The following MTUS2 variants were observed in gnomAD, a reference collection of about 807,000 sequenced individuals.
The protein encoded by MTUS2 is microtubule associated scaffold protein 2.
In MTUS2, 40 loss-of-function variants were observed where a neutral mutation model predicts 114.1. The ratio of observed to expected loss-of-function variants is 0.35; its 90% CI spans 0.27 to 0.46. The LOEUF (loss-of-function observed/expected upper bound fraction) is 0.46. MTUS2 is among the 20% of genes least tolerant of loss of function. The probability of loss-of-function intolerance (pLI) is 1.00; values close to 1 mark genes in which losing one functional copy is unlikely to be tolerated. For missense variants in MTUS2, 1,679 were observed against 1,705.4 expected (o/e 0.98, Z 0.27); for synonymous variants, 688 against 672.0 (o/e 1.02, Z -0.37).
At chr13:28,929,076 A>G (rs933580647) in intron 2 of MTUS2, among the ~76,000 whole-genome samples, 1 of 152,172 alleles carries the variant, frequency 6.6e-6, no homozygotes, top group Admixed American at 6.5e-5. Flanking sequence ...AAAGGCGAAT[A>G]TCACATGTTC....
intron 2 of MTUS2, among the ~76,000 whole-genome samples, chr13:28,902,461 G>T (rs1398124303): frequency 6.6e-6 from 1 of 151,992 alleles, no homozygotes; most frequent in Non-Finnish European, 1.5e-5. Context: ...TCCCCTGTAG[G>T]TTTTTTGTAG....
chr13:28,842,177 C>T (rs1875554760), intron 2 of MTUS2, among the ~76,000 whole-genome samples: 1 of 151,854 alleles, frequency 6.6e-6, no homozygotes, highest in Non-Finnish European at 1.5e-5. Context: ...TCCCCCAACA[C>T]ACAAATGATC....
chr13:28,829,219 T>G (rs959079143), intron 1 of MTUS2, among the ~76,000 whole-genome samples: 3 of 152,174 alleles, frequency 2.0e-5, no homozygotes, highest in Non-Finnish European at 2.9e-5. Context: ...GCAGCTCCAT[T>G]GTAGCCTTCA....
chr13:29,264,662 G>T (rs1897601760), intron 5 of MTUS2, among the ~76,000 whole-genome samples: 1 of 152,256 alleles, frequency 6.6e-6, no homozygotes, highest in South Asian at 2.1e-4. Context: ...CATGGAACCT[G>T]CCAAGGCTTA....
At chr13:29,141,171 G>T (rs941289546) in intron 5 of MTUS2, among the ~76,000 whole-genome samples, 1 of 152,174 alleles carries the variant, frequency 6.6e-6, no homozygotes, top group Admixed American at 6.5e-5. Flanking sequence ...AGCACCAATT[G>T]TATGATAAGC....
intron 5 of MTUS2, among the ~76,000 whole-genome samples, chr13:29,180,249 T>C (rs1276803346): frequency 6.6e-6 from 1 of 152,186 alleles, no homozygotes; most frequent in Non-Finnish European, 1.5e-5. Flanking sequence ...AGAACTACAA[T>C]CTTCCATGAA....
chr13:29,412,508 A>G (rs1479008793), intron 8 of MTUS2, among the ~76,000 whole-genome samples: 5 of 152,150 alleles, frequency 3.3e-5, no homozygotes, highest in Non-Finnish European at 7.4e-5. Flanking sequence ...CATGAGTGAC[A>G]TTGGTCTCCA....
At chr13:29,101,314 A>G (rs1432508034) in intron 5 of MTUS2, among the ~76,000 whole-genome samples, 1 of 152,012 alleles carries the variant, frequency 6.6e-6, no homozygotes, top group Non-Finnish European at 1.5e-5. Flanking sequence ...CATGAAACAT[A>G]CTAGATATTT....
chr13:28,861,475 T>G (rs931825962), intron 2 of MTUS2, among the ~76,000 whole-genome samples: 13 of 148,898 alleles, frequency 8.7e-5, no homozygotes, highest in Non-Finnish European at 1.8e-4. Context: ...GGTGTTAACA[T>G]AGCCCAGGGA....
At chr13:28,919,536 G>A (rs1880930851) in intron 2 of MTUS2, among the ~76,000 whole-genome samples, 2 of 152,088 alleles carry the variant, frequency 1.3e-5, no homozygotes, top group South Asian at 4.2e-4. Context: ...ATTATTAAAT[G>A]CCTTGAGGTA....
intron 8 of MTUS2, among the ~76,000 whole-genome samples, chr13:29,428,048 C>T (rs1325897110): frequency 6.6e-6 from 1 of 152,164 alleles, no homozygotes; most frequent in Non-Finnish European, 1.5e-5. Context: ...CTGCCCCAAG[C>T]CCCAATTTTA....
At chr13:29,337,664 C>T (rs1901142614) in intron 7 of MTUS2, among the ~76,000 whole-genome samples, 1 of 151,038 alleles carries the variant, frequency 6.6e-6, no homozygotes, top group African/African-American at 2.4e-5. Flanking sequence ...TGCAGTGGCA[C>T]AATTTTGGCT....
chr13:28,898,060 CAGG>C (rs1879395527), intron 2 of MTUS2, among the ~76,000 whole-genome samples: 1 of 151,204 alleles, frequency 6.6e-6, no homozygotes, highest in South Asian at 2.1e-4. Context: ...AAAAAAAGAA[CAGG>C]TTGAAGTTTT....
At chr13:28,917,234 G>A (rs900850935) in intron 2 of MTUS2, among the ~76,000 whole-genome samples, 12 of 151,434 alleles carry the variant, frequency 7.9e-5, no homozygotes, top group African/African-American at 2.4e-4. Context: ...TTTTTTTGTT[G>A]TATCCTTATT....
rs181680756 is a variant in MTUS2, at chr13:29,103,465, A to G, written c.2644+2495A>G. On this transcript the variant is annotated intron_variant, in intron 5 of 15. Coordinates refer to ENST00000612955, the MANE Select transcript of MTUS2 (RefSeq NM_001033602.4). ...AACATAGAAGAAGTATAGTAAAGCT[A>G]TGGTTTAAAAACTAAAAATGCTGTT... Among the ~76,000 whole-genome samples the G allele has an allele frequency of 4.0e-4, 61 of 152,370 alleles. 1 individual carries two copies. Among genetic ancestry groups the G allele is most frequent in the Non-Finnish European group, 6.2e-4 (42 of 68,036 alleles).
intron 10 of MTUS2, among the ~76,000 whole-genome samples, chr13:29,483,363 G>A (rs776938045): frequency 1.3e-5 from 2 of 152,364 alleles, no homozygotes; most frequent in African/African-American, 4.8e-5. Flanking sequence ...GACAAAGCCA[G>A]CCAGAGCTGC....
At chr13:29,315,883 T>A (rs1899967570) in intron 6 of MTUS2, among the ~76,000 whole-genome samples, 1 of 152,174 alleles carries the variant, frequency 6.6e-6, no homozygotes, top group African/African-American at 2.4e-5. Context: ...GATAGAAGGT[T>A]GTAACCAGAA....
At chr13:29,301,182 G>A (rs1899189994) in intron 6 of MTUS2, among the ~76,000 whole-genome samples, 1 of 152,198 alleles carries the variant, frequency 6.6e-6, no homozygotes, top group African/African-American at 2.4e-5. Flanking sequence ...ACTGTTGGTG[G>A]TAGCCTTTCA....
At chr13:29,091,473 C>A (rs541401331) in intron 4 of MTUS2, among the ~76,000 whole-genome samples, 1 of 148,426 alleles carries the variant, frequency 6.7e-6, no homozygotes, top group South Asian at 2.2e-4. Flanking sequence ...GATCTCAGTA[C>A]TCCACATTAT....
Sources: allele counts gnomAD v4.1 joint callset (sites outside exome capture counted in the v4.1 genomes callset), GRCh38; gene constraint gnomAD v4.1.1; transcripts MANE v1.5; gene names NCBI Gene and HGNC (gene_info 2026-07-23, HGNC 2026-07-21).